The following SGIP1 variants were observed in gnomAD, a reference collection of about 807,000 sequenced individuals.
SGIP1 encodes the protein SH3-containing GRB2-like protein 3-interacting protein 1.
A neutral mutation model predicts 107.5 loss-of-function variants in SGIP1; 38 were observed. The ratio of observed to expected loss-of-function variants is 0.35; its 90% CI spans 0.27 to 0.46. The LOEUF is 0.46. Ranked by LOEUF, SGIP1 falls within the 20% of genes least tolerant of loss-of-function variation. SGIP1 has a pLI of 1.00. For missense variants in SGIP1, 929 were observed against 1,019.5 expected (o/e 0.91, Z 1.21); for synonymous variants, 365 against 366.1 (o/e 1.00, Z 0.03).
chr1:66,741,546 C>G, intron 24 of SGIP1, 110 bp downstream of exon 24: 2 of 1,132,310 alleles, frequency 1.8e-6, no homozygotes, highest in Non-Finnish European at 2.4e-6. Context: ...CTTTCCCACT[C>G]CCAACCCCCA....
chr1:66,690,455 T>A, intron 17 of SGIP1, 139 bp downstream of exon 17: 1 of 1,198,008 alleles, frequency 8.3e-7, no homozygotes, highest in Non-Finnish European at 1.2e-6. Flanking sequence ...ACTCTTCTTT[T>A]AAAACCACCT....
intron 7 of SGIP1, among the ~76,000 whole-genome samples, chr1:66,652,683 G>C (rs1179640928): frequency 6.6e-6 from 1 of 151,132 alleles, no homozygotes; most frequent in Non-Finnish European, 1.5e-5. Flanking sequence ...ATTTGCCGCT[G>C]CTTGGTAACA....
In SGIP1 at chr1:66,749,443, T is replaced by C. The variant is rs975838197; in HGVS notation, c.*6348T>C. ...CTCTTTTAATGAGCATTTCATAGGG[T>C]TTTTTTTTTGCTGTTTTTTTTTCTT... On this transcript the variant is annotated 3_prime_UTR_variant, in exon 25 of 25. Transcript: ENST00000371037. Among the ~76,000 whole-genome samples the C allele has an allele frequency of 2.9e-5, 2 of 69,794 alleles. No homozygotes were observed. 45.8% of individuals were successfully genotyped at this position (69,794 alleles called of 152,430 possible).
intron 1 of SGIP1, among the ~76,000 whole-genome samples, chr1:66,587,035 A>G (rs2148821242): frequency 6.6e-6 from 1 of 152,198 alleles, no homozygotes; most frequent in South Asian, 2.1e-4. Flanking sequence ...TAGTCTCCAC[A>G]GTGTCTGATA....
chr1:66,675,541 C>CTTTTTTT lies in SGIP1; in HGVS notation c.647-1451_647-1445dup, dbSNP rs71242802. 3.1e-3 allele frequency among the ~76,000 whole-genome samples: 343 copies of CTTTTTTT among 112,368 alleles called. 1 individual carries two copies. Among genetic ancestry groups the CTTTTTTT allele is most frequent in the South Asian group, 8.3e-3 (29 of 3,500 alleles). The allele number at this position is 112,368 out of a possible 152,430, so 73.7% of individuals were successfully genotyped here. A position where few individuals can be genotyped will look rare whatever the true frequency, so the allele number is the denominator to read the frequency against. On this transcript the variant is annotated intron_variant, in intron 12 of 24. Transcript: ENST00000371037. ...GTTGTTTTTCTTTTTCTTTTTCTTT[C>CTTTTTTT]TTTTTTTTTTTTTTTTTTGACAGAA...
At chr1:66,609,760 C>T (rs1203135033) in intron 1 of SGIP1, among the ~76,000 whole-genome samples, 1 of 152,168 alleles carries the variant, frequency 6.6e-6, no homozygotes, top group Non-Finnish European at 1.5e-5. Context: ...GACTAGGATG[C>T]TAGCAAACTT....
At chr1:66,720,562 G>A (rs2093479754) in intron 19 of SGIP1, among the ~76,000 whole-genome samples, 1 of 152,022 alleles carries the variant, frequency 6.6e-6, no homozygotes, top group Non-Finnish European at 1.5e-5. Context: ...GCCTGCCTCT[G>A]CAAAAAATAC....
intron 19 of SGIP1, among the ~76,000 whole-genome samples, chr1:66,726,002 T>C (rs535478081): frequency 6.6e-6 from 1 of 152,340 alleles, no homozygotes; most frequent in East Asian, 1.9e-4. Flanking sequence ...CAGCCAGTTG[T>C]ACTACATGAG....
chr1:66,537,796 T>C (rs6690186), intron 1 of SGIP1, among the ~76,000 whole-genome samples: 16,645 of 152,146 alleles, frequency 0.11, 1,010 homozygotes, highest in East Asian at 0.16. Flanking sequence ...CTTTTTTCAG[T>C]CCTTTTCTAC....
chr1:66,695,304 C>T (rs751940107), intron 17 of SGIP1, 130 bp from the exon 18 acceptor site: 62 of 1,441,124 alleles, frequency 4.3e-5, no homozygotes, highest in African/African-American at 1.8e-4. Flanking sequence ...TTTTCCTGCA[C>T]GCTAATGGCA....
intron 4 of SGIP1, among the ~76,000 whole-genome samples, chr1:66,637,330 A>T (rs2075972597): frequency 6.6e-6 from 1 of 152,084 alleles, no homozygotes; most frequent in South Asian, 2.1e-4. Flanking sequence ...AGCCAGAAGA[A>T]TTCCATCCAG....
At chr1:66,619,544 G>T (rs569131727) in intron 1 of SGIP1, among the ~76,000 whole-genome samples, 1 of 152,344 alleles carries the variant, frequency 6.6e-6, no homozygotes, top group Non-Finnish European at 1.5e-5. Context: ...TGATAGGAAG[G>T]TGATCATTCT....
chr1:66,720,872 G>C (rs963153944), intron 19 of SGIP1, among the ~76,000 whole-genome samples: 5 of 152,080 alleles, frequency 3.3e-5, no homozygotes, highest in Non-Finnish European at 7.4e-5. Flanking sequence ...AGTGGAAATT[G>C]GTATAACTAA....
At position 66,635,994 on chromosome 1, in the gene SGIP1, T is replaced by C. The variant is rs1455161123; in HGVS notation, c.150T>C (p.Arg50=). 1.2e-6 allele frequency: 2 copies of C among 1,613,538 alleles called. No homozygotes were observed. Among genetic ancestry groups the C allele is most frequent in the Non-Finnish European group, 8.5e-7 (1 of 1,179,768 alleles). The change falls in exon 4 of 25, where the codon CGT becomes CGC. Residue 50 remains arginine, a synonymous_variant. Coordinates refer to ENST00000371037, the MANE Select transcript of SGIP1 (RefSeq NM_032291.4). The part of the protein sequence containing the change: ...PPYNSKAECA[R]EGGKKVSKKS... ...ACAATAGCAAAGCAGAGTGTGCGCG[T>C]GAAGGAGGAAAAAAAGTTTCGGTAA... is the stretch of plus-strand genomic sequence containing the variant.
chr1:66,607,560 A>T (rs900766059), intron 1 of SGIP1, among the ~76,000 whole-genome samples: 1 of 152,208 alleles, frequency 6.6e-6, no homozygotes, highest in Admixed American at 6.5e-5. Flanking sequence ...AAAAACTGAC[A>T]ATTCAGAGAT....
At chr1:66,553,245 G>C (rs1395592393) in intron 1 of SGIP1, among the ~76,000 whole-genome samples, 1 of 152,138 alleles carries the variant, frequency 6.6e-6, no homozygotes, top group Non-Finnish European at 1.5e-5. Context: ...GCGGGGAACA[G>C]AGACAGTAAA....
chr1:66,671,908 A>C (rs1297026120), intron 10 of SGIP1, 36 bp from the exon 11 acceptor site: 1 of 1,607,944 alleles, frequency 6.2e-7, no homozygotes, highest in African/African-American at 1.3e-5. Context: ...GAATGGTAAA[A>C]ATTTGTCTAA....
intron 18 of SGIP1, among the ~76,000 whole-genome samples, chr1:66,703,685 T>TA (rs2092214945): frequency 6.6e-6 from 1 of 151,272 alleles, no homozygotes; most frequent in African/African-American, 2.4e-5. Context: ...ATATCAGCTA[T>TA]ATCACATTTA....
chr1:66,742,375 T>C (rs2094473410), intron 24 of SGIP1, among the ~76,000 whole-genome samples: 1 of 151,828 alleles, frequency 6.6e-6, no homozygotes, highest in African/African-American at 2.4e-5. Flanking sequence ...TTTTTATGTC[T>C]ATTGTACTGA....
Sources: gnomAD v4.1 joint callset for allele counts (sites outside exome capture counted in the v4.1 genomes callset) on GRCh38, gnomAD v4.1.1 for gene constraint, MANE v1.5 for transcripts, NCBI Gene and HGNC (gene_info 2026-07-23, HGNC 2026-07-21) for gene names.